The following RYR2 variants were observed in gnomAD, a reference collection of about 807,000 sequenced individuals.
The protein encoded by RYR2 is ryanodine receptor 2, also known as cardiac muscle ryanodine receptor-calcium release channel.
RYR2 carries 227 observed loss-of-function variants against 601.1 expected under a neutral mutation model. The observed-to-expected ratio is 0.38, with a 90% CI of 0.34 to 0.42. The LOEUF (loss-of-function observed/expected upper bound fraction) is 0.42. RYR2 is among the 10% of genes least tolerant of loss of function. RYR2 has a pLI of 1.00. For missense variants in RYR2, 4,646 were observed against 6,156.5 expected, an observed-to-expected ratio of 0.75 and a Z score of 8.21; for synonymous variants, 2,223 against 2,175.1, an observed-to-expected ratio of 1.02 and a Z score of -0.61.
chr1:237,648,896 ACT>A (rs1204100258), intron 49 of RYR2, among the ~76,000 whole-genome samples: 1 of 152,154 alleles, frequency 6.6e-6, no homozygotes, highest in East Asian at 1.9e-4. Flanking sequence ...GGTTCACATA[ACT>A]CTAATTTGGG....
chr1:237,251,037 T>C (rs913980349), intron 1 of RYR2, among the ~76,000 whole-genome samples: 2 of 130,000 alleles, frequency 1.5e-5, no homozygotes, highest in African/African-American at 5.4e-5. Flanking sequence ...GATGTGTGTG[T>C]GTGTGTGTGT....
intron 34 of RYR2, among the ~76,000 whole-genome samples, chr1:237,600,805 A>C (rs1396276625): frequency 6.6e-6 from 1 of 152,222 alleles, no homozygotes; most frequent in Non-Finnish European, 1.5e-5. Flanking sequence ...CATTTCTCAA[A>C]AGAAGGCATA....
chr1:237,720,689 G>A (rs1350668813), intron 73 of RYR2, among the ~76,000 whole-genome samples: 1 of 152,154 alleles, frequency 6.6e-6, no homozygotes, highest in East Asian at 1.9e-4. Flanking sequence ...ATCCCCAGGG[G>A]ACCCTAGACC....
chr1:237,450,754 T>C lies in RYR2; in HGVS notation c.1293-3637T>C, dbSNP rs114468854. ...TTACAAACCCATCACAAATTTGCCA[T>C]ATTTTTCTGAGTTATCTAACATCTG... is the stretch of plus-strand genomic sequence containing the variant. On this transcript the variant is annotated intron_variant, in intron 14 of 104. Coordinates refer to ENST00000366574, the MANE Select transcript of RYR2 (RefSeq NM_001035.3). Among the ~76,000 whole-genome samples the C allele has an allele frequency of 4.7e-3, 715 of 152,312 alleles. 4 individuals are homozygous for C. Among genetic ancestry groups the C allele is most frequent in the Middle Eastern group, 0.024 (7 of 294 alleles).
At chr1:237,556,467 AT>A (rs34327081) in intron 27 of RYR2, among the ~76,000 whole-genome samples, 53,966 of 139,400 alleles carry the variant, frequency 0.39, 10,417 homozygotes, top group East Asian at 0.52. Flanking sequence ...GGCCCGGCTA[AT>A]TTTTTTTTTT....
At chr1:237,338,644 A>G (rs1451416623) in intron 3 of RYR2, among the ~76,000 whole-genome samples, 1 of 151,974 alleles carries the variant, frequency 6.6e-6, no homozygotes, top group Non-Finnish European at 1.5e-5. Flanking sequence ...GTCAGGTAAC[A>G]GTATTTGAAG....
At chr1:237,611,589 T>C (rs1020355493) in intron 36 of RYR2, among the ~76,000 whole-genome samples, 1 of 152,308 alleles carries the variant, frequency 6.6e-6, no homozygotes, top group East Asian at 1.9e-4. Flanking sequence ...CCAATTAAAT[T>C]GCAGAGATTT....
chr1:237,369,467 T>A (rs1027342651), intron 5 of RYR2, 67 bp from the exon 6 acceptor site: 39 of 1,315,860 alleles, frequency 3.0e-5, no homozygotes, highest in Non-Finnish European at 3.8e-5. Context: ...GAGTATTTTA[T>A]CAACTTGGTT....
intron 1 of RYR2, among the ~76,000 whole-genome samples, chr1:237,098,387 A>ATG (rs937631817): frequency 0.047 from 2,235 of 47,354 alleles, 30 homozygotes; most frequent in Middle Eastern, 0.078. Flanking sequence ...CATTGTGTGT[A>ATG]TGTGTGTGTG....
At chr1:237,812,866 G>A (rs564588673) in intron 100 of RYR2, among the ~76,000 whole-genome samples, 10 of 145,978 alleles carry the variant, frequency 6.9e-5, no homozygotes, top group East Asian at 4.1e-4. Flanking sequence ...TGCTTTTCTC[G>A]CACCACAAAG....
intron 10 of RYR2, among the ~76,000 whole-genome samples, chr1:237,406,248 C>T (rs1027953836): frequency 3.0e-5 from 4 of 133,754 alleles, no homozygotes; most frequent in African/African-American, 5.6e-5. Context: ...TCTCTTTATA[C>T]GTAGTTTCCC....
Position 237,617,305 on chromosome 1 carries a change from A to G in RYR2, c.5735A>G (p.Tyr1912Cys). 1 of 1,613,048 alleles carries G rather than the reference A, an allele frequency of 6.2e-7. No homozygotes were observed. The highest frequency in any genetic ancestry group is 1.1e-5 in the South Asian group (1 of 90,940). Residue 1912 changes from tyrosine (Y) to cysteine (C), a missense_variant, in exon 38 of 105, where the codon TAC (tyrosine) becomes TGC (cysteine). Tyr to Cys is a radical substitution (Grantham distance 194, BLOSUM62 -2). Coordinates refer to ENST00000366574, the MANE Select transcript of RYR2 (RefSeq NM_001035.3). ...VKLQMCLLLQ[Y>C]LCDCQVRHRI... is the part of the protein sequence containing the mutation. ...TCTTAGATGTGCCTACTGCTTCAGT[A>G]CCTCTGTGACTGCCAGGTCCGGCAC...
intron 97 of RYR2, among the ~76,000 whole-genome samples, chr1:237,798,488 A>AC (rs1470485273): frequency 6.6e-6 from 1 of 152,178 alleles, no homozygotes; most frequent in Non-Finnish European, 1.5e-5. Context: ...CAAAAACTCA[A>AC]TATATGGCTG....
At chr1:237,343,867 C>T (rs1698056113) in intron 3 of RYR2, among the ~76,000 whole-genome samples, 1 of 148,132 alleles carries the variant, frequency 6.8e-6, no homozygotes, top group Non-Finnish European at 1.5e-5. Flanking sequence ...ATTGCTCAGG[C>T]TGGAGTGCTA....
intron 1 of RYR2, among the ~76,000 whole-genome samples, chr1:237,089,325 G>T (rs1666698375): frequency 6.6e-6 from 1 of 152,164 alleles, no homozygotes; most frequent in South Asian, 2.1e-4. Flanking sequence ...ATTTTAAAAT[G>T]CATTTCCAAC....
intron 12 of RYR2, among the ~76,000 whole-genome samples, chr1:237,425,609 G>A (rs1706073098): frequency 6.6e-6 from 1 of 151,974 alleles, no homozygotes; most frequent in Non-Finnish European, 1.5e-5. Flanking sequence ...AGTCCAGCCT[G>A]GGCGATAGAG....
intron 1 of RYR2, among the ~76,000 whole-genome samples, chr1:237,066,789 C>T (rs1004027486): frequency 6.6e-6 from 1 of 151,992 alleles, no homozygotes; most frequent in Non-Finnish European, 1.5e-5. Flanking sequence ...CTGCAGGCGC[C>T]CACCACCACA....
rs563800689 is a variant in RYR2, at chr1:237,270,430, T to C, written c.49-67T>C. 9.7e-6 allele frequency: 15 copies of C among 1,539,520 alleles called. No individual in the cohort carries two copies. In the South Asian group the frequency reaches 1.7e-4, roughly 17 times the overall value. On this transcript the variant is annotated intron_variant, in intron 1 of 104. Coordinates refer to ENST00000366574, the MANE Select transcript of RYR2 (RefSeq NM_001035.3). ...TGCACTAAAATAATGTTCTTCAAGA[T>C]ATGATTTGGACTGTGCAGTCATGTC...
chr1:237,102,243 G>GA (rs1668185285), intron 1 of RYR2, among the ~76,000 whole-genome samples: 1 of 152,190 alleles, frequency 6.6e-6, no homozygotes, highest in South Asian at 2.1e-4. Flanking sequence ...GATAGAGAGG[G>GA]AGTAGATCAG....
Sources: gnomAD v4.1 joint callset for allele counts (sites outside exome capture counted in the v4.1 genomes callset) on GRCh38, gnomAD v4.1.1 for gene constraint, MANE v1.5 for transcripts, NCBI Gene and HGNC (gene_info 2026-07-23, HGNC 2026-07-21) for gene names.